The following RASGRF1 variants were observed in gnomAD, a reference collection of about 807,000 sequenced individuals.
RASGRF1 encodes ras-specific guanine nucleotide-releasing factor 1.
RASGRF1 carries 40 observed loss-of-function variants against 138.7 expected under a neutral mutation model. That is an observed-to-expected ratio of 0.29 (90% CI 0.22 to 0.38). The LOEUF (loss-of-function observed/expected upper bound fraction) is 0.38, where lower values mean the gene tolerates loss of function less well. Among genes scored for constraint, RASGRF1 ranks in the 10% least tolerant of loss-of-function variants. The pLI is 1.00. For missense variants in RASGRF1, 1,108 were observed against 1,650.4 expected, an observed-to-expected ratio of 0.67 and a Z score of 5.69; for synonymous variants, 614 against 663.2, an observed-to-expected ratio of 0.93 and a Z score of 1.14.
At position 79,020,066 on chromosome 15, in the gene RASGRF1, C is replaced by T. The variant is rs754755214; in HGVS notation, c.1581G>A (p.Glu527=). ...VISLIDCTLL[E]EPESTEEEAK... is the part of the protein sequence containing the mutation. ...CTTCCTCCTCCGTGCTTTCTGGCTC[C>T]TCCAATAAAGTGCAGTCAATGAGGG... is the stretch of plus-strand genomic sequence containing the variant. The change falls in exon 11 of 27, where the codon GAG becomes GAA. Residue 527 remains glutamate (E), a synonymous_variant. Coordinates refer to ENST00000558480, the MANE Select transcript of RASGRF1 (RefSeq NM_001145648.3). 2 of 1,614,150 alleles carry T rather than the reference C, an allele frequency of 1.2e-6. No individual in the cohort carries two copies. The highest frequency in any genetic ancestry group is 1.1e-5 in the South Asian group (1 of 91,086).
intron 3 of RASGRF1, among the ~76,000 whole-genome samples, chr15:79,055,138 G>C (rs2057493463): frequency 6.6e-6 from 1 of 152,216 alleles, no homozygotes; most frequent in African/African-American, 2.4e-5. Flanking sequence ...CTTTGGGTAA[G>C]TCGCTTCCTC....
chr15:79,076,340 C>T (rs867958583), intron 1 of RASGRF1, among the ~76,000 whole-genome samples: 1 of 152,082 alleles, frequency 6.6e-6, no homozygotes, highest in African/African-American at 2.4e-5. Flanking sequence ...TTTTTGAAAG[C>T]CCCCCAGCTG....
At chr15:79,083,562 C>T (rs1044942274) in intron 1 of RASGRF1, among the ~76,000 whole-genome samples, 2 of 152,184 alleles carry the variant, frequency 1.3e-5, no homozygotes, top group East Asian at 1.9e-4. Flanking sequence ...AAATCACTGG[C>T]GCGACTGTGA....
chr15:78,993,293 G>C (rs972065905), intron 20 of RASGRF1, among the ~76,000 whole-genome samples: 1 of 149,128 alleles, frequency 6.7e-6, no homozygotes, highest in Non-Finnish European at 1.5e-5. Context: ...TGGTGTCTGT[G>C]TGTGTGGTCT....
chr15:79,033,591 T>TC (rs1233890072), intron 6 of RASGRF1, among the ~76,000 whole-genome samples: 2 of 141,046 alleles, frequency 1.4e-5, no homozygotes, highest in South Asian at 2.4e-4. Context: ...CTTTTTTTTT[T>TC]TTTTTTTTTT....
intron 13 of RASGRF1, among the ~76,000 whole-genome samples, chr15:79,013,847 G>C (rs1020740945): frequency 6.6e-6 from 1 of 152,184 alleles, no homozygotes; most frequent in Non-Finnish European, 1.5e-5. Flanking sequence ...TCTGGGGATT[G>C]TTCAAACAAA....
intron 1 of RASGRF1, 138 bp downstream of exon 1, chr15:79,090,085 T>C (rs973520155): frequency 5.6e-6 from 7 of 1,259,960 alleles, no homozygotes; most frequent in Admixed American, 2.9e-5. Context: ...GCCTCCCCTC[T>C]CGCTGAGGGT....
At chr15:79,076,484 C>T (rs2057835359) in intron 1 of RASGRF1, among the ~76,000 whole-genome samples, 1 of 152,232 alleles carries the variant, frequency 6.6e-6, no homozygotes, top group African/African-American at 2.4e-5. Flanking sequence ...CTGACTGGAG[C>T]AGCAGTGGAC....
chr15:79,049,620 G>C (rs2057402732), intron 3 of RASGRF1, 32 bp from the exon 4 acceptor site: 1 of 1,587,296 alleles, frequency 6.3e-7, no homozygotes, highest in Non-Finnish European at 8.6e-7. Flanking sequence ...GCCTGTGAGG[G>C]GCGCTGGCTC....
rs185940930 is a variant in RASGRF1, at chr15:79,004,259, C to T, written c.2076-84G>A. 2,210 of 1,460,146 alleles carry T rather than the reference C, an allele frequency of 1.5e-3. 2 individuals are homozygous for T. The highest frequency in any genetic ancestry group is 1.9e-3 in the Non-Finnish European group (2,086 of 1,099,038). The allele number at this position is 1,460,146 out of a possible 1,614,324, so 90.4% of individuals were successfully genotyped here. ...CCTGGGGGCCGTCTCCGGTGGGGCT[C>T]GGAGTGGCAGCAACGGCTCCATCAT... On this transcript the variant is annotated intron_variant, in intron 14 of 26. Coordinates refer to ENST00000558480, the MANE Select transcript of RASGRF1 (RefSeq NM_001145648.3).
At chr15:79,072,041 C>T (rs2057762845) in intron 1 of RASGRF1, among the ~76,000 whole-genome samples, 2 of 151,998 alleles carry the variant, frequency 1.3e-5, no homozygotes, top group Non-Finnish European at 1.5e-5. Context: ...TGGAGTAGTA[C>T]CATCTGCTAT....
chr15:79,031,283 C>G lies in RASGRF1; in HGVS notation c.1262+117G>C, dbSNP rs867673723. 168 of 797,774 alleles carry G rather than the reference C, an allele frequency of 2.1e-4. 1 individual carries two copies. The Middle Eastern group carries it at 2.9e-3, about 14-fold the overall frequency. 49.4% of individuals were successfully genotyped at this position (797,774 alleles called of 1,614,324 possible). ...TTGAGCTGTGGCAAGCTGTGCCCCT[C>G]CCTTACAATCCCCATCTGAACTCAA... On this transcript the variant is annotated intron_variant, in intron 8 of 26. Coordinates refer to ENST00000558480, the MANE Select transcript of RASGRF1 (RefSeq NM_001145648.3).
At chr15:79,064,953 G>A (rs981111670) in intron 1 of RASGRF1, among the ~76,000 whole-genome samples, 6 of 152,174 alleles carry the variant, frequency 3.9e-5, no homozygotes, top group Non-Finnish European at 7.3e-5. Context: ...GGGTTAGAGC[G>A]ATGAGTAAAC....
At chr15:79,038,480 A>C (rs556001752) in intron 5 of RASGRF1, among the ~76,000 whole-genome samples, 1 of 152,344 alleles carries the variant, frequency 6.6e-6, no homozygotes, top group Admixed American at 6.5e-5. Context: ...TAAAAAAATT[A>C]TCTCATATTG....
intron 7 of RASGRF1, among the ~76,000 whole-genome samples, chr15:79,031,823 T>C (rs917920375): frequency 3.3e-5 from 5 of 151,792 alleles, no homozygotes; most frequent in Admixed American, 6.6e-5. Context: ...AGGAAGGAGA[T>C]AGGCTGCCCT....
intron 3 of RASGRF1, among the ~76,000 whole-genome samples, chr15:79,054,209 T>C (rs1288582244): frequency 6.6e-6 from 1 of 151,872 alleles, no homozygotes; most frequent in Non-Finnish European, 1.5e-5. Flanking sequence ...AAAGAGGTTA[T>C]GGACAACAAC....
intron 23 of RASGRF1, chr15:78,981,032 C>T (rs1036378): frequency 0.5 from 110,284 of 220,516 alleles, 31,158 homozygotes; most frequent in East Asian, 0.73. Context: ...CAGGAGCCTG[C>T]GCTCAGAGCA....
At chr15:79,048,259 G>A (rs1043685253) in intron 4 of RASGRF1, among the ~76,000 whole-genome samples, 1 of 152,182 alleles carries the variant, frequency 6.6e-6, no homozygotes, top group Non-Finnish European at 1.5e-5. Context: ...AGGCTAGCTG[G>A]GGGTGGGGGA....
Position 78,972,735 on chromosome 15 carries a change from G to A in RASGRF1, c.3612+568C>T, listed in dbSNP as rs892283885. ...GTAGAGGCTTTCTGGCGAAGTGAGAGGGGAGAAGGAGACGGTTAGAATCCT... is the reference window on the plus strand; with the variant it reads ...GTAGAGGCTTTCTGGCGAAGTGAGAAGGGAGAAGGAGACGGTTAGAATCCT... On this transcript the variant is annotated intron_variant, in intron 25 of 26. Coordinates refer to ENST00000558480, the MANE Select transcript of RASGRF1 (RefSeq NM_001145648.3). 3.3e-5 allele frequency among the ~76,000 whole-genome samples: 5 copies of A among 152,166 alleles called. No individual in the cohort carries two copies. The East Asian group carries it at 9.6e-4, about 29-fold the overall frequency.
Sources: allele counts gnomAD v4.1 joint callset (sites outside exome capture counted in the v4.1 genomes callset), GRCh38; gene constraint gnomAD v4.1.1; transcripts MANE v1.5; gene names NCBI Gene and HGNC (gene_info 2026-07-23, HGNC 2026-07-21).